The following RANBP17 variants were observed in gnomAD, a reference collection of about 807,000 sequenced individuals.
RANBP17 encodes the protein RAN binding protein 17.
RANBP17 carries 158 observed loss-of-function variants against 141.2 expected under a neutral mutation model. The ratio of observed to expected loss-of-function variants is 1.12; its 90% CI spans 0.98 to 1.28. The LOEUF (loss-of-function observed/expected upper bound fraction) is 1.28. Ranked by LOEUF, RANBP17 falls within the 50% of genes most tolerant of loss-of-function variation. The pLI, the probability that RANBP17 is intolerant of heterozygous loss-of-function variation, is 0.00. For missense variants in RANBP17, 1,438 were observed against 1,290.7 expected (o/e 1.11, Z -1.75); for synonymous variants, 430 against 450.0 (o/e 0.96, Z 0.56).
chr5:171,119,435 A>G (rs1755865681), intron 14 of RANBP17, among the ~76,000 whole-genome samples: 1 of 152,102 alleles, frequency 6.6e-6, no homozygotes, highest in Non-Finnish European at 1.5e-5. Flanking sequence ...GCTTGAGAAG[A>G]CTTGGTATTC....
chr5:171,015,769 G>A (rs10067823), intron 14 of RANBP17, among the ~76,000 whole-genome samples: 92,982 of 151,942 alleles, frequency 0.61, 29,818 homozygotes, highest in South Asian at 0.88. Context: ...AGAAAAGCAC[G>A]TAGTCTAGGA....
chr5:171,173,368 C>G (rs1374961457), intron 16 of RANBP17, among the ~76,000 whole-genome samples: 1 of 151,738 alleles, frequency 6.6e-6, no homozygotes, highest in Non-Finnish European at 1.5e-5. Flanking sequence ...ACCTATAGGC[C>G]CTTGTTATTG....
chr5:171,147,259 CTAT>C (rs1014075558), intron 14 of RANBP17, among the ~76,000 whole-genome samples: 12 of 147,036 alleles, frequency 8.2e-5, no homozygotes, highest in African/African-American at 3.0e-4. Flanking sequence ...TAAACATTTG[CTAT>C]TATTTTGTGC....
At chr5:171,248,311 G>A (rs539032065) in intron 24 of RANBP17, among the ~76,000 whole-genome samples, 7 of 150,524 alleles carry the variant, frequency 4.7e-5, no homozygotes, top group South Asian at 2.1e-4. Context: ...AGCTTGCAGT[G>A]AGCCGAGATC....
intron 16 of RANBP17, among the ~76,000 whole-genome samples, chr5:171,182,950 A>G (rs1760959358): frequency 6.6e-6 from 1 of 152,206 alleles, no homozygotes; most frequent in Non-Finnish European, 1.5e-5. Context: ...CTTTCTTTCC[A>G]TAACTAGAAT....
chr5:170,952,167 A>T (rs1472153492), intron 12 of RANBP17, among the ~76,000 whole-genome samples: 1 of 152,070 alleles, frequency 6.6e-6, no homozygotes, highest in Non-Finnish European at 1.5e-5. Flanking sequence ...ATAGACTTTT[A>T]TATTGACCCT....
intron 22 of RANBP17, among the ~76,000 whole-genome samples, chr5:171,239,247 T>C (rs1764720321): frequency 6.6e-6 from 1 of 152,196 alleles, no homozygotes; most frequent in Admixed American, 6.5e-5. Context: ...TATGGACTTC[T>C]AAGGCTACAC....
chr5:171,241,766 A>G (rs1024940726), intron 23 of RANBP17, among the ~76,000 whole-genome samples: 5 of 152,180 alleles, frequency 3.3e-5, no homozygotes, highest in African/African-American at 9.7e-5. Flanking sequence ...TTTTTATTCT[A>G]ATAGTCAAAC....
chr5:171,134,566 A>G (rs552427027), intron 14 of RANBP17, among the ~76,000 whole-genome samples: 1 of 152,332 alleles, frequency 6.6e-6, no homozygotes, highest in South Asian at 2.1e-4. Context: ...ATTTTTCCCT[A>G]ATAGTTATTT....
chr5:170,997,969 G>C (rs1053911475), intron 14 of RANBP17, among the ~76,000 whole-genome samples: 1 of 151,242 alleles, frequency 6.6e-6, no homozygotes, highest in Non-Finnish European at 1.5e-5. Flanking sequence ...CCCTTCTTTG[G>C]CCTGGTGCAG....
At chr5:171,168,692 A>G (rs369763099) in intron 14 of RANBP17, among the ~76,000 whole-genome samples, 28 of 152,258 alleles carry the variant, frequency 1.8e-4, no homozygotes, top group South Asian at 1.7e-3. Context: ...TACAAGCAAC[A>G]ATGGTCACTT....
At chr5:170,988,144 CTACT>C (rs1343993764) in intron 14 of RANBP17, among the ~76,000 whole-genome samples, 2 of 151,308 alleles carry the variant, frequency 1.3e-5, no homozygotes, top group Non-Finnish European at 3.0e-5. Context: ...CTCTTTTTTT[CTACT>C]TACTTTTAAT....
At position 171,299,107 on chromosome 5, in the gene RANBP17, T is replaced by C; in HGVS notation, c.*249T>C. The C allele has an allele frequency of 5.0e-6, 2 of 398,938 alleles. No individual in the cohort carries two copies. Among genetic ancestry groups the C allele is most frequent in the South Asian group, 9.4e-5 (2 of 21,254 alleles). The allele number at this position is 398,938 out of a possible 1,614,324, so 24.7% of individuals were successfully genotyped here. A position where few individuals can be genotyped will look rare whatever the true frequency, so the allele number is the denominator to read the frequency against. ...GTCTTTCTATCAAATATTATCTTTG[T>C]TCTCCTAATGCTCTGAAAGGATGTA... On this transcript the variant is annotated 3_prime_UTR_variant, in exon 28 of 28. Coordinates refer to ENST00000523189, the MANE Select transcript of RANBP17 (RefSeq NM_022897.5).
At chr5:171,015,027 T>TCATAA (rs1780336150) in intron 14 of RANBP17, among the ~76,000 whole-genome samples, 3 of 152,120 alleles carry the variant, frequency 2.0e-5, no homozygotes, top group African/African-American at 7.2e-5. Flanking sequence ...AAATCTGCTG[T>TCATAA]AATCCTTTTC....
intron 14 of RANBP17, among the ~76,000 whole-genome samples, chr5:171,053,627 T>A (rs1783111651): frequency 6.6e-6 from 1 of 152,092 alleles, no homozygotes; most frequent in East Asian, 1.9e-4. Flanking sequence ...TTGTAGACTT[T>A]TGTAGATTTT....
At chr5:171,125,774 C>T (rs1220403871) in intron 14 of RANBP17, among the ~76,000 whole-genome samples, 1 of 151,996 alleles carries the variant, frequency 6.6e-6, no homozygotes, top group South Asian at 2.1e-4. Context: ...TTAAGACACA[C>T]AAAAACAATC....
In RANBP17 at chr5:171,267,346, A is replaced by G. The variant is rs145291575; in HGVS notation, c.2943+1499A>G. ...GGTGTGAGCCACTGCACCTAGCCCT[A>G]TCACTGTGTTTTCTAATTCCACTAA... On this transcript the variant is annotated intron_variant, in intron 25 of 27. Transcript: ENST00000523189. Among the ~76,000 whole-genome samples, 41 of 152,024 alleles carry G rather than the reference A, an allele frequency of 2.7e-4. 1 individual carries two copies. The East Asian group carries it at 5.6e-3, about 21-fold the overall frequency.
intron 12 of RANBP17, among the ~76,000 whole-genome samples, chr5:170,926,344 G>A (rs1772917999): frequency 6.6e-6 from 1 of 151,988 alleles, no homozygotes; most frequent in Admixed American, 6.6e-5. Context: ...CTGCATTTTT[G>A]ATGATCTAGT....
intron 14 of RANBP17, among the ~76,000 whole-genome samples, chr5:171,156,066 A>G (rs1033165048): frequency 6.6e-6 from 1 of 152,140 alleles, no homozygotes; most frequent in Non-Finnish European, 1.5e-5. Flanking sequence ...TTAAGATTTT[A>G]AAAGCAATTC....
Sources: allele counts gnomAD v4.1 joint callset (sites outside exome capture counted in the v4.1 genomes callset), GRCh38; gene constraint gnomAD v4.1.1; transcripts MANE v1.5; gene names NCBI Gene and HGNC (gene_info 2026-07-23, HGNC 2026-07-21).